The following EYA1 variants were observed in gnomAD, a reference collection of about 807,000 sequenced individuals.
EYA1 encodes EYA transcriptional coactivator and phosphatase 1.
In EYA1, 16 loss-of-function variants were observed where a neutral mutation model predicts 82.0. That is an observed-to-expected ratio of 0.20 (90% CI 0.13 to 0.30). EYA1 has a LOEUF of 0.30. Ranked by LOEUF, EYA1 falls within the 10% of genes least tolerant of loss-of-function variation. The pLI is 1.00. For synonymous variants in EYA1, 261 were observed against 264.4 expected (o/e 0.99, Z 0.12); for missense variants, 633 against 730.7 (o/e 0.87, Z 1.54).
intron 2 of EYA1, among the ~76,000 whole-genome samples, chr8:71,496,599 A>C (rs1811431205): frequency 6.6e-6 from 1 of 152,236 alleles, no homozygotes; most frequent in Non-Finnish European, 1.5e-5. Context: ...CGAATATACC[A>C]GCATTTTTTT....
intron 2 of EYA1, among the ~76,000 whole-genome samples, chr8:71,459,658 G>A (rs1808221530): frequency 6.6e-6 from 1 of 150,640 alleles, no homozygotes; most frequent in Admixed American, 6.6e-5. Flanking sequence ...CTTTTTTATT[G>A]TTTTCACCAT....
At chr8:71,202,344 C>CT (rs1262462665) in intron 17 of EYA1, among the ~76,000 whole-genome samples, 3 of 152,064 alleles carry the variant, frequency 2.0e-5, no homozygotes, top group Non-Finnish European at 4.4e-5. Context: ...GGCTGTGTGT[C>CT]TCATCTGTAC....
chr8:71,448,764 C>T (rs1211640703), intron 2 of EYA1: 2 of 158,222 alleles, frequency 1.3e-5, no homozygotes, highest in Admixed American at 6.5e-5. Context: ...TGAGTATACT[C>T]TATTGAGGTG....
At chr8:71,487,610 A>T (rs1685630123) in intron 2 of EYA1, among the ~76,000 whole-genome samples, 1 of 152,214 alleles carries the variant, frequency 6.6e-6, no homozygotes, top group South Asian at 2.1e-4. Flanking sequence ...AAGCAATGGG[A>T]GAATTCCTAA....
chr8:71,383,575 T>A (rs1828825849), intron 2 of EYA1, among the ~76,000 whole-genome samples: 1 of 152,148 alleles, frequency 6.6e-6, no homozygotes, highest in African/African-American at 2.4e-5. Context: ...TATACAGATT[T>A]GAAGGAATAA....
chr8:71,504,205 G>T (rs1034004511), intron 2 of EYA1, among the ~76,000 whole-genome samples: 2 of 152,010 alleles, frequency 1.3e-5, no homozygotes, highest in African/African-American at 4.8e-5. Flanking sequence ...TTTAAAAATG[G>T]AAGAAAGTAG....
At chr8:71,249,625 C>A (rs952344683) in intron 11 of EYA1, among the ~76,000 whole-genome samples, 1 of 152,114 alleles carries the variant, frequency 6.6e-6, no homozygotes, top group African/African-American at 2.4e-5. Flanking sequence ...CACAGCAAAA[C>A]CATATCAATG....
chr8:71,269,465 T>C (rs1816251855), intron 11 of EYA1, among the ~76,000 whole-genome samples: 1 of 152,252 alleles, frequency 6.6e-6, no homozygotes, highest in Non-Finnish European at 1.5e-5. Flanking sequence ...TAATATTTCA[T>C]CCTAGGATAA....
chr8:71,518,388 T>C (rs147755932), intron 2 of EYA1, among the ~76,000 whole-genome samples: 22 of 152,294 alleles, frequency 1.4e-4, no homozygotes, highest in African/African-American at 3.4e-4. Context: ...ATTAGACAGC[T>C]GACATTTTTA....
chr8:71,286,423 G>C (rs10957543), intron 9 of EYA1, among the ~76,000 whole-genome samples: 13,331 of 152,216 alleles, frequency 0.088, 1,033 homozygotes, highest in East Asian at 0.43. Context: ...TCTTGTTTAA[G>C]GGTAAAACTG....
intron 17 of EYA1, among the ~76,000 whole-genome samples, 200 bp downstream of exon 17, chr8:71,210,956 G>A (rs1808431945): frequency 6.6e-6 from 1 of 152,182 alleles, no homozygotes; most frequent in Admixed American, 6.5e-5. Context: ...ACCACTTGTG[G>A]CCCTTGAGTT....
In EYA1 at chr8:71,254,707, T is replaced by C. The variant is rs75501371; in HGVS notation, c.1051-10015A>G. Among the ~76,000 whole-genome samples, 251 of 152,144 alleles carry C rather than the reference T, an allele frequency of 1.6e-3. 8 individuals carry two copies. In the East Asian group the frequency reaches 0.046, roughly 28 times the overall value. On this transcript the variant is annotated intron_variant, in intron 11 of 17. Transcript: ENST00000340726. Reference sequence around the variant, plus strand: ...TTTGCCACTTCTGTGTAACAAAACATAGAAGTTCTAGCCAGAAGTATTAGG... The same window carrying C: ...TTTGCCACTTCTGTGTAACAAAACACAGAAGTTCTAGCCAGAAGTATTAGG...
At chr8:71,396,583 C>A (rs1186000368) in intron 2 of EYA1, among the ~76,000 whole-genome samples, 1 of 152,198 alleles carries the variant, frequency 6.6e-6, no homozygotes, top group Non-Finnish European at 1.5e-5. Context: ...TGTTCAGTTT[C>A]CATGCAGTAG....
At chr8:71,233,389 C>G (rs901225169) in intron 12 of EYA1, among the ~76,000 whole-genome samples, 1 of 151,722 alleles carries the variant, frequency 6.6e-6, no homozygotes, top group South Asian at 2.1e-4. Context: ...ACAGTGAAAC[C>G]CCGTCTCTAC....
At chr8:71,321,413 T>G (rs1049501031) in intron 6 of EYA1, among the ~76,000 whole-genome samples, 2 of 152,244 alleles carry the variant, frequency 1.3e-5, no homozygotes, top group Non-Finnish European at 2.9e-5. Flanking sequence ...CACAGACGTT[T>G]TATCACAAAT....
intron 2 of EYA1, among the ~76,000 whole-genome samples, chr8:71,514,343 A>T (rs1206244549): frequency 6.6e-6 from 1 of 152,118 alleles, no homozygotes; most frequent in African/African-American, 2.4e-5. Flanking sequence ...TAATAGAATG[A>T]AATATTTTTA....
At chr8:71,490,008 T>C (rs1178524978) in intron 2 of EYA1, among the ~76,000 whole-genome samples, 1 of 152,140 alleles carries the variant, frequency 6.6e-6, no homozygotes, top group Non-Finnish European at 1.5e-5. Flanking sequence ...CCAAGTGTGA[T>C]CTCCAGGACT....
intron 2 of EYA1, among the ~76,000 whole-genome samples, chr8:71,461,271 A>AG (rs140578909): frequency 0.023 from 3,433 of 152,194 alleles, 94 homozygotes; most frequent in African/African-American, 0.077. Flanking sequence ...GCTACTGGCA[A>AG]GGGGGAGTCA....
intron 11 of EYA1, among the ~76,000 whole-genome samples, chr8:71,259,008 A>G: frequency 6.6e-6 from 1 of 152,222 alleles, no homozygotes; most frequent in Non-Finnish European, 1.5e-5. Flanking sequence ...GTGCTTGAGA[A>G]AAGGATTGCA....
Sources: gnomAD v4.1 joint callset for allele counts (sites outside exome capture counted in the v4.1 genomes callset) on GRCh38, gnomAD v4.1.1 for gene constraint, MANE v1.5 for transcripts, NCBI Gene and HGNC (gene_info 2026-07-23, HGNC 2026-07-21) for gene names.